The following TYW5 variants were observed in gnomAD, a reference collection of about 807,000 sequenced individuals.
TYW5 encodes tRNA-yW synthesizing protein 5.
TYW5 carries 36 observed loss-of-function variants against 44.4 expected under a neutral mutation model. The observed-to-expected ratio is 0.81, with a 90% CI of 0.62 to 1.07. The LOEUF (loss-of-function observed/expected upper bound fraction) is 1.07, where lower values mean the gene tolerates loss of function less well. Among genes scored for constraint, TYW5 ranks in the 50% least tolerant of loss-of-function variants. The pLI is 0.00. For synonymous variants in TYW5, 121 were observed against 128.1 expected (o/e 0.94, Z 0.37); for missense variants, 354 against 365.7 (o/e 0.97, Z 0.26).
chr2:199,940,016 T>C, intron 4 of TYW5, 73 bp downstream of exon 4: 1 of 1,386,202 alleles, frequency 7.2e-7, no homozygotes, highest in African/African-American at 1.4e-5. Context: ...AAGTATAAAA[T>C]TACAGTGTTG....
At chr2:199,936,132 T>C in intron 6 of TYW5, 85 bp from the exon 7 acceptor site, 1 of 862,824 alleles carries the variant, frequency 1.2e-6, no homozygotes, top group Non-Finnish European at 1.9e-6. Flanking sequence ...TTTGAAAATT[T>C]ATTCTTTTCT....
At chr2:199,946,506 C>T (rs2077505038) in intron 2 of TYW5, 1 of 152,112 alleles carries the variant, frequency 6.6e-6, no homozygotes, top group Admixed American at 6.5e-5. Flanking sequence ...CAGAAGAATG[C>T]CAACAATATC....
At chr2:199,946,352 T>C (rs80189996) in intron 2 of TYW5, 2 of 152,188 alleles carry the variant, frequency 1.3e-5, no homozygotes, top group East Asian at 3.9e-4. Flanking sequence ...TTGTTCCCCA[T>C]TTGGAAAAGG....
intron 5 of TYW5, among the ~76,000 whole-genome samples, chr2:199,937,368 A>G (rs2077428567): frequency 6.6e-6 from 1 of 151,958 alleles, no homozygotes; most frequent in Non-Finnish European, 1.5e-5. Context: ...AAAATTTAAA[A>G]CATAATCATA....
chr2:199,948,283 T>C (rs780715937), intron 2 of TYW5, 35 bp downstream of exon 2: 1 of 1,607,950 alleles, frequency 6.2e-7, no homozygotes, highest in South Asian at 1.1e-5. Context: ...TAAAAAGTTA[T>C]TTGTATCCCC....
intron 5 of TYW5, 89 bp from the exon 6 acceptor site, chr2:199,936,581 G>A (rs2077422932): frequency 4.7e-6 from 5 of 1,052,672 alleles, no homozygotes; most frequent in Non-Finnish European, 5.7e-6. Flanking sequence ...CTGCAAACCC[G>A]ATCCTTTAAT....
At chr2:199,933,848 T>C (rs1443606358) in intron 7 of TYW5, among the ~76,000 whole-genome samples, 1 of 152,210 alleles carries the variant, frequency 6.6e-6, no homozygotes, top group Non-Finnish European at 1.5e-5. Flanking sequence ...ATATTTTGAA[T>C]GCAATTATAA....
At chr2:199,937,511 A>T (rs1010814853) in intron 5 of TYW5, among the ~76,000 whole-genome samples, 1 of 151,994 alleles carries the variant, frequency 6.6e-6, no homozygotes, top group African/African-American at 2.4e-5. Context: ...AAAAATAAAA[A>T]AAAAAAAATT....
Position 199,955,472 on chromosome 2 carries a change from G to A in TYW5, c.-2C>T, listed in dbSNP as rs1405305893. On this transcript the variant is annotated 5_prime_UTR_variant, in exon 1 of 8. Transcript: ENST00000354611. ...TACCGGGAGGTGCTGCCCGGCCATGGTTGCTCACGCCTGCCCTCTTCCAGG... is the reference window on the plus strand; with the variant it reads ...TACCGGGAGGTGCTGCCCGGCCATGATTGCTCACGCCTGCCCTCTTCCAGG... 4 of 1,613,522 alleles carry A rather than the reference G, an allele frequency of 2.5e-6. No homozygotes were observed. The highest frequency in any genetic ancestry group is 1.3e-5 in the African/African-American group (1 of 74,926).
At chr2:199,952,268 A>G (rs1321483712) in intron 1 of TYW5, among the ~76,000 whole-genome samples, 1 of 152,188 alleles carries the variant, frequency 6.6e-6, no homozygotes. Context: ...CTGGGTCATA[A>G]AGTGAACATA....
chr2:199,948,572 T>C, intron 1 of TYW5, 100 bp from the exon 2 acceptor site: 4 of 1,195,048 alleles, frequency 3.3e-6, no homozygotes, highest in Non-Finnish European at 4.8e-6. Context: ...AAGATCTGAC[T>C]CTTGCTCCCA....
At chr2:199,935,197 A>T (rs2077409076) in intron 7 of TYW5, among the ~76,000 whole-genome samples, 1 of 152,142 alleles carries the variant, frequency 6.6e-6, no homozygotes, top group Non-Finnish European at 1.5e-5. Flanking sequence ...TTTCCCAGAT[A>T]TAAAGTGTCC....
rs1200157355 is a variant in TYW5 at position 199,930,280 on chromosome 2, G to A, written c.*2787C>T. 6.6e-6 allele frequency: 1 copy of A among 152,084 alleles called. No individual in the cohort carries two copies. Among genetic ancestry groups the A allele is most frequent in the Non-Finnish European group, 1.5e-5 (1 of 68,012 alleles). 9.4% of individuals were successfully genotyped at this position (152,084 alleles called of 1,614,324 possible). On this transcript the variant is annotated 3_prime_UTR_variant, in exon 8 of 8. Coordinates refer to ENST00000354611, the MANE Select transcript of TYW5 (RefSeq NM_001039693.3). ...TTTTGAAAGGATAATGTGAACAAAA[G>A]TCCAAATAATACAAAACTAGATTCT...
Position 199,948,483 on chromosome 2 carries a change from G to C in TYW5, c.79-11C>G, listed in dbSNP as rs1184573441. The stretch of plus-strand genomic sequence containing the variant: ...CACAAGAGGTTTTCTCTGTAAGTGG[G>C]GAAAGAAATACAACAAAATTCATGA... On this transcript the variant is annotated splice_polypyrimidine_tract_variant and intron_variant, in intron 1 of 7. Transcript: ENST00000354611. 6.2e-7 allele frequency: 1 copy of C among 1,613,030 alleles called. No individual in the cohort carries two copies. Among genetic ancestry groups the C allele is most frequent in the Non-Finnish European group, 8.5e-7 (1 of 1,179,636 alleles).
At chr2:199,939,192 ATCTCTCTCTCTCTATCTT>A (rs2077445027) in intron 4 of TYW5, 122 bp from the exon 5 acceptor site, 1 of 821,836 alleles carries the variant, frequency 1.2e-6, no homozygotes, top group Non-Finnish European at 1.8e-6. Context: ...CCAATACATG[ATCTCTCTCTCTCTATCTT>A]TCTCTCTCTC....
chr2:199,954,101 A>T (rs1312255477), intron 1 of TYW5, among the ~76,000 whole-genome samples: 1 of 61,070 alleles, frequency 1.6e-5, no homozygotes. Context: ...CATCCCCCCA[A>T]CCCCGCCTTT....
chr2:199,936,665 T>G (rs1012079836), intron 5 of TYW5, among the ~76,000 whole-genome samples, 173 bp from the exon 6 acceptor site: 1 of 152,230 alleles, frequency 6.6e-6, no homozygotes. Context: ...CAACTGGGCC[T>G]TCAAGACATT....
chr2:199,933,205 T>C lies in TYW5; in HGVS notation c.810A>G (p.Thr270=), dbSNP rs548672229. The C allele has an allele frequency of 7.4e-6, 12 of 1,614,072 alleles. No homozygotes were observed. Among genetic ancestry groups the C allele is most frequent in the African/African-American group, 5.3e-5 (4 of 74,946 alleles). The change falls in exon 8 of 8, where the codon ACA becomes ACG. Residue 270 remains threonine, a synonymous_variant. Coordinates refer to ENST00000354611, the MANE Select transcript of TYW5 (RefSeq NM_001039693.3). ...GAATTTGTGCAGCTCTTGATGCTGC[T>C]GTAGGATCTTTGTTTCCATAGGTAT... is the stretch of plus-strand genomic sequence containing the variant. ...KTDTYGNKDP[T]AASRAAQILD...
chr2:199,943,797 C>T lies in TYW5; in HGVS notation c.271G>A (p.Glu91Lys), dbSNP rs770418863. ...PFDQLVQRAA[E>K]EKHKEFFVSE... ...ACAAAGAATTCTTTATGTTTCTCTTCAGCTGCCCTCTGGACCAACTGGTCA... is the reference window on the plus strand; with the variant it reads ...ACAAAGAATTCTTTATGTTTCTCTTTAGCTGCCCTCTGGACCAACTGGTCA... The change falls in exon 3 of 8, where the codon GAA (glutamate) becomes AAA (lysine). Residue 91 changes from glutamate (E) to lysine (K), a missense_variant. Glu to Lys is a moderately conservative substitution (Grantham distance 56). Transcript: ENST00000354611. The T allele has an allele frequency of 2.5e-6, 4 of 1,610,690 alleles. No homozygotes were observed. Among genetic ancestry groups the T allele is most frequent in the Non-Finnish European group, 3.4e-6 (4 of 1,179,260 alleles).
Sources: gnomAD v4.1 joint callset for allele counts (sites outside exome capture counted in the v4.1 genomes callset) on GRCh38, gnomAD v4.1.1 for gene constraint, MANE v1.5 for transcripts, NCBI Gene and HGNC (gene_info 2026-07-23, HGNC 2026-07-21) for gene names.